LRP1B: variants seen among roughly 807,000 people sequenced by gnomAD.
LRP1B encodes LDL receptor related protein 1B.
Under a neutral mutation model 556.6 loss-of-function variants are expected in LRP1B, and 217 were observed. That is an observed-to-expected ratio of 0.39 (90% CI 0.35 to 0.44). The LOEUF is 0.44. Among genes scored for constraint, LRP1B ranks in the 20% least tolerant of loss-of-function variants. The pLI is 1.00. For missense variants in LRP1B, 5,053 were observed against 5,620.8 expected, an observed-to-expected ratio of 0.90 and a Z score of 3.23; for synonymous variants, 2,047 against 1,865.8, an observed-to-expected ratio of 1.10 and a Z score of -2.50.
At chr2:142,002,326 T>G (rs1310074577) in intron 1 of LRP1B, among the ~76,000 whole-genome samples, 2 of 152,080 alleles carry the variant, frequency 1.3e-5, no homozygotes, top group African/African-American at 2.4e-5. Flanking sequence ...AGAGTTTTAC[T>G]TCATCAGATG....
chr2:141,589,978 G>A (rs1165716080), intron 2 of LRP1B, among the ~76,000 whole-genome samples: 1 of 152,076 alleles, frequency 6.6e-6, no homozygotes, highest in African/African-American at 2.4e-5. Flanking sequence ...CAAGTTCTTC[G>A]ACTTGAAAAG....
intron 84 of LRP1B, among the ~76,000 whole-genome samples, chr2:140,293,418 T>C (rs1219710041): frequency 6.6e-6 from 1 of 152,222 alleles, no homozygotes; most frequent in Non-Finnish European, 1.5e-5. Context: ...CTTTTACCAT[T>C]ATTTATCTTT....
chr2:140,391,494 G>A (rs1426762393), intron 66 of LRP1B, among the ~76,000 whole-genome samples: 1 of 135,062 alleles, frequency 7.4e-6, no homozygotes, highest in Non-Finnish European at 1.7e-5. Flanking sequence ...CTCATCAAAC[G>A]GAATAAGAGC....
chr2:140,334,440 T>C lies in LRP1B; in HGVS notation c.12223+13A>G, dbSNP rs369297545. The stretch of plus-strand genomic sequence containing the variant: ...ATTCTGCTTCATATTTTAGCGTGTG[T>C]CAGAAATCATACCTGTGGGTCTCTG... On this transcript the variant is annotated intron_variant, in intron 79 of 90. Coordinates refer to ENST00000389484, the MANE Select transcript of LRP1B (RefSeq NM_018557.3). The C allele has an allele frequency of 2.8e-5, 42 of 1,500,058 alleles. No individual in the cohort carries two copies. Among genetic ancestry groups the C allele is most frequent in the Non-Finnish European group, 3.7e-5 (40 of 1,077,056 alleles). 92.9% of individuals were successfully genotyped at this position (1,500,058 alleles called of 1,614,324 possible). A position where few individuals can be genotyped will look rare whatever the true frequency, so the allele number is the denominator to read the frequency against.
At chr2:141,870,651 T>C (rs1257640028) in intron 1 of LRP1B, among the ~76,000 whole-genome samples, 1 of 151,976 alleles carries the variant, frequency 6.6e-6, no homozygotes, top group African/African-American at 2.4e-5. Context: ...GGGAACCAAG[T>C]TACTGCCAGA....
At chr2:140,347,790 G>T (rs1681759902) in intron 77 of LRP1B, among the ~76,000 whole-genome samples, 2 of 151,852 alleles carry the variant, frequency 1.3e-5, no homozygotes, top group Non-Finnish European at 2.9e-5. Flanking sequence ...ATCAGCCTGG[G>T]GAAAAATCTT....
At chr2:141,643,467 T>C (rs10170385) in intron 2 of LRP1B, among the ~76,000 whole-genome samples, 34,149 of 152,124 alleles carry the variant, frequency 0.22, 4,676 homozygotes, top group East Asian at 0.53. Context: ...AATATGGAAA[T>C]TGTATTATTA....
intron 3 of LRP1B, among the ~76,000 whole-genome samples, chr2:141,292,155 G>T (rs971996917): frequency 1.3e-5 from 2 of 152,130 alleles, no homozygotes; most frequent in Non-Finnish European, 2.9e-5. Context: ...GTGCATGCGA[G>T]GGATCTAGGT....
At chr2:142,086,897 C>G (rs1189523075) in intron 1 of LRP1B, among the ~76,000 whole-genome samples, 1 of 152,082 alleles carries the variant, frequency 6.6e-6, no homozygotes, top group East Asian at 1.9e-4. Context: ...TATTCCTTAA[C>G]TCCACTTTAT....
chr2:142,123,982 A>T (rs1707550649), intron 1 of LRP1B, among the ~76,000 whole-genome samples: 1 of 151,994 alleles, frequency 6.6e-6, no homozygotes, highest in Non-Finnish European at 1.5e-5. Context: ...AATGTAGACA[A>T]TACATCATTA....
At chr2:140,703,094 A>G (rs574189498) in intron 37 of LRP1B, among the ~76,000 whole-genome samples, 2 of 152,298 alleles carry the variant, frequency 1.3e-5, no homozygotes, top group Non-Finnish European at 2.9e-5. Flanking sequence ...TGGTAAATAC[A>G]TATTTAATTT....
intron 2 of LRP1B, among the ~76,000 whole-genome samples, chr2:141,690,969 C>T (rs1170804666): frequency 6.6e-6 from 1 of 151,680 alleles, no homozygotes; most frequent in Non-Finnish European, 1.5e-5. Context: ...ATTCTAAGAG[C>T]AAATGTAATT....
intron 1 of LRP1B, among the ~76,000 whole-genome samples, chr2:141,915,408 T>C (rs541022284): frequency 6.6e-6 from 1 of 152,170 alleles, no homozygotes; most frequent in African/African-American, 2.4e-5. Flanking sequence ...ACAAAAATTG[T>C]ATATGGTGAA....
At chr2:141,500,858 T>C (rs1036855300) in intron 2 of LRP1B, among the ~76,000 whole-genome samples, 6 of 152,126 alleles carry the variant, frequency 3.9e-5, no homozygotes, top group African/African-American at 1.4e-4. Context: ...TCTATTGCTT[T>C]AGAAATAAAC....
intron 29 of LRP1B, among the ~76,000 whole-genome samples, chr2:140,848,280 C>G (rs1692336907): frequency 6.6e-6 from 1 of 152,060 alleles, no homozygotes; most frequent in Admixed American, 6.6e-5. Flanking sequence ...TTGCCCCTGC[C>G]CTTGTAAAAA....
At chr2:140,312,163 A>C (rs571035285) in intron 83 of LRP1B, among the ~76,000 whole-genome samples, 5 of 152,114 alleles carry the variant, frequency 3.3e-5, no homozygotes, top group African/African-American at 1.2e-4. Flanking sequence ...TTCACTTAAA[A>C]TATTCAATTC....
chr2:140,830,731 A>G (rs1421746981), intron 31 of LRP1B, among the ~76,000 whole-genome samples: 1 of 152,100 alleles, frequency 6.6e-6, no homozygotes, highest in African/African-American at 2.4e-5. Flanking sequence ...TTTTCAACAT[A>G]GTACTGGACG....
intron 1 of LRP1B, among the ~76,000 whole-genome samples, chr2:142,082,221 A>C (rs1441380270): frequency 6.6e-6 from 1 of 152,184 alleles, no homozygotes; most frequent in African/African-American, 2.4e-5. Context: ...TACATCAAGA[A>C]TGCCTGAATT....
chr2:140,998,851 T>C (rs1335280650), intron 15 of LRP1B, among the ~76,000 whole-genome samples: 1 of 152,090 alleles, frequency 6.6e-6, no homozygotes, highest in Non-Finnish European at 1.5e-5. Context: ...CATGTCACAA[T>C]GGCTGCAACT....
Sources: allele counts gnomAD v4.1 joint callset (sites outside exome capture counted in the v4.1 genomes callset), GRCh38; gene constraint gnomAD v4.1.1; transcripts MANE v1.5; gene names NCBI Gene and HGNC (gene_info 2026-07-23, HGNC 2026-07-21).